Variants in DMD observed in about 807,000 individuals in gnomAD.
The protein encoded by DMD is dystrophin, also known as mutant dystrophin.
DMD carries 63 observed loss-of-function variants against 330.1 expected under a neutral mutation model. The observed-to-expected ratio is 0.19, with a 90% CI of 0.16 to 0.24. The LOEUF (loss-of-function observed/expected upper bound fraction) is 0.24, where lower values mean the gene tolerates loss of function less well. Ranked by LOEUF, DMD falls within the 10% of genes least tolerant of loss-of-function variation. The pLI is 1.00. For missense variants in DMD, 3,344 were observed against 2,684.1 expected, an observed-to-expected ratio of 1.25 and a Z score of -5.43; for synonymous variants, 1,223 against 959.8, an observed-to-expected ratio of 1.27 and a Z score of -5.07.
chrX:31,885,350 C>T (rs1305694071), intron 47 of DMD, among the ~76,000 whole-genome samples: 1 of 111,091 alleles, frequency 9.0e-6, no homozygotes, highest in Non-Finnish European at 1.9e-5. Flanking sequence ...TGGCTCACGC[C>T]TGTAATCCCA....
At chrX:32,801,861 C>T (rs907523932) in intron 7 of DMD, among the ~76,000 whole-genome samples, 1 of 110,812 alleles carries the variant, frequency 9.0e-6, no homozygotes, top group African/African-American at 3.3e-5. Context: ...CTGTTCCATT[C>T]GTCTATGTAT....
intron 3 of DMD, among the ~76,000 whole-genome samples, chrX:32,846,309 G>A (rs2080661546): frequency 9.0e-6 from 1 of 111,609 alleles, no homozygotes; most frequent in African/African-American, 3.3e-5. Flanking sequence ...TGTCTGTAGA[G>A]CCCCAGTCTT....
chrX:31,935,895 A>C (rs1246938368), intron 45 of DMD, among the ~76,000 whole-genome samples: 1 of 111,249 alleles, frequency 9.0e-6, no homozygotes, highest in Non-Finnish European at 1.9e-5. Flanking sequence ...CTCTTTTCAA[A>C]TATGTCTCAA....
At chrX:32,195,281 T>C (rs1224257480) in intron 44 of DMD, among the ~76,000 whole-genome samples, 1 of 110,814 alleles carries the variant, frequency 9.0e-6, no homozygotes, top group Non-Finnish European at 1.9e-5. Context: ...CGGCAGCCAA[T>C]GAATTGTGTC....
At chrX:32,297,464 C>T (rs756006948) in intron 42 of DMD, among the ~76,000 whole-genome samples, 2 of 109,469 alleles carry the variant, frequency 1.8e-5, no homozygotes, top group Non-Finnish European at 3.8e-5. Flanking sequence ...TAGTAGAGAT[C>T]GGGTTCCATT....
chrX:31,509,228 T>C (rs1336551974), intron 55 of DMD, among the ~76,000 whole-genome samples: 3 of 111,986 alleles, frequency 2.7e-5, no homozygotes, highest in East Asian at 5.6e-4. Flanking sequence ...TGGTCAAATA[T>C]ATAGCCATTT....
intron 2 of DMD, among the ~76,000 whole-genome samples, chrX:32,866,419 G>T (rs2082482631): frequency 8.9e-6 from 1 of 111,794 alleles, no homozygotes; most frequent in Non-Finnish European, 1.9e-5. Context: ...CTACACAGAA[G>T]ATGTCTGAAA....
intron 55 of DMD, among the ~76,000 whole-genome samples, chrX:31,622,506 G>T (rs2078590191): frequency 9.0e-6 from 1 of 110,766 alleles, no homozygotes; most frequent in African/African-American, 3.3e-5. Flanking sequence ...TTTTTGAAAA[G>T]CACCTTTCTT....
chrX:32,632,048 T>C (rs919240959), intron 11 of DMD, among the ~76,000 whole-genome samples: 3 of 111,997 alleles, frequency 2.7e-5, no homozygotes, highest in Non-Finnish European at 5.6e-5. Flanking sequence ...CTTCTACCTA[T>C]GAGCCCGTAA....
At chrX:31,624,969 C>T (rs1481292271) in intron 55 of DMD, among the ~76,000 whole-genome samples, 3 of 112,244 alleles carry the variant, frequency 2.7e-5, no homozygotes. Context: ...ATTTGTTGCT[C>T]TTCAACACCA....
intron 21 of DMD, among the ~76,000 whole-genome samples, chrX:32,476,521 C>G (rs1389522282): frequency 9.0e-6 from 1 of 111,521 alleles, no homozygotes; most frequent in African/African-American, 3.3e-5. Flanking sequence ...TACACACCTA[C>G]TAACATAAAT....
chrX:31,507,959 T>C (rs939953379), intron 55 of DMD, among the ~76,000 whole-genome samples: 5 of 112,069 alleles, frequency 4.5e-5, no homozygotes, highest in African/African-American at 1.6e-4. Flanking sequence ...AGCACATTCC[T>C]GGGAGTCTGT....
chrX:33,065,161 C>A (rs2094635446), intron 1 of DMD, among the ~76,000 whole-genome samples: 2 of 111,531 alleles, frequency 1.8e-5, no homozygotes, highest in African/African-American at 3.3e-5. Flanking sequence ...CACTTGACAG[C>A]CCCCACCCAT....
intron 9 of DMD, among the ~76,000 whole-genome samples, chrX:32,652,304 G>T (rs1178537713): frequency 1.5e-5 from 1 of 68,037 alleles, no homozygotes; most frequent in Non-Finnish European, 2.5e-5. Context: ...ACCCCACTAC[G>T]GGACCCAGTG....
intron 55 of DMD, among the ~76,000 whole-genome samples, chrX:31,593,157 C>T (rs749584265): frequency 9.0e-6 from 1 of 110,921 alleles, no homozygotes; most frequent in Non-Finnish European, 1.9e-5. Flanking sequence ...ATTTGTAAAC[C>T]GCATATAGAA....
chrX:32,537,113 G>T (rs769626244), intron 17 of DMD, among the ~76,000 whole-genome samples: 8 of 111,891 alleles, frequency 7.1e-5, no homozygotes, highest in African/African-American at 2.6e-4. Flanking sequence ...TGCACAGGTT[G>T]CTCACTGCAC....
At chrX:31,221,753 G>C (rs2046062257) in intron 64 of DMD, among the ~76,000 whole-genome samples, 1 of 112,993 alleles carries the variant, frequency 8.9e-6, no homozygotes, top group African/African-American at 3.2e-5. Context: ...AGTTCCATCA[G>C]AGCAGAAACT....
intron 62 of DMD, among the ~76,000 whole-genome samples, chrX:31,302,694 G>A (rs2148103022): frequency 9.0e-6 from 1 of 110,745 alleles, no homozygotes; most frequent in East Asian, 2.8e-4. Flanking sequence ...AAACACAGTA[G>A]GTTTTCAGTA....
chrX:31,992,939 C>T (rs1046557432), intron 44 of DMD, among the ~76,000 whole-genome samples: 12 of 111,525 alleles, frequency 1.1e-4, no homozygotes, highest in African/African-American at 3.6e-4. Flanking sequence ...ATCAATATGG[C>T]GGTACTTTTC....
Sources: gnomAD v4.1 joint callset for allele counts (sites outside exome capture counted in the v4.1 genomes callset) on GRCh38, gnomAD v4.1.1 for gene constraint, MANE v1.5 for transcripts, NCBI Gene and HGNC (gene_info 2026-07-23, HGNC 2026-07-21) for gene names.